The following NCAPG variants were observed in gnomAD, a reference collection of about 807,000 sequenced individuals.
The protein encoded by NCAPG is non-SMC condensin I complex subunit G.
Under a neutral mutation model 113.1 loss-of-function variants are expected in NCAPG, and 69 were observed. The ratio of observed to expected loss-of-function variants is 0.61; its 90% CI spans 0.50 to 0.75. NCAPG has a LOEUF of 0.75. Among genes scored for constraint, NCAPG ranks in the 30% least tolerant of loss-of-function variants. The pLI, the probability that NCAPG is intolerant of heterozygous loss-of-function variation, is 0.00. For synonymous variants in NCAPG, 370 were observed against 415.8 expected, an observed-to-expected ratio of 0.89 and a Z score of 1.34; for missense variants, 1,058 against 1,177.0, an observed-to-expected ratio of 0.90 and a Z score of 1.48.
intron 14 of NCAPG, 34 bp downstream of exon 14, chr4:17,834,557 G>A: frequency 2.3e-6 from 3 of 1,307,826 alleles, no homozygotes; most frequent in Non-Finnish European, 3.1e-6. Flanking sequence ...ATTATGAAAT[G>A]TCATTTTCAG....
chr4:17,841,327 T>C (rs1321392602), intron 19 of NCAPG: 1 of 152,052 alleles, frequency 6.6e-6, no homozygotes, highest in Non-Finnish European at 1.5e-5. Flanking sequence ...CAACCATGAT[T>C]TTGATTTTAG....
Position 17,843,384 on chromosome 4 carries a change from A to AAACTT in NCAPG, c.3011_3015dup (p.Ala1007ThrfsTer10), listed in dbSNP as rs768523477. 5.5e-5 allele frequency: 89 copies of AAACTT among 1,611,976 alleles called. No homozygotes were observed. The highest frequency in any genetic ancestry group is 2.5e-4 in the East Asian group (11 of 44,840). On this transcript the variant is annotated frameshift_variant, in exon 21 of 21. Transcript: ENST00000251496. LOFTEE classifies it high-confidence loss of function. Reference sequence around the variant, plus strand: ...CAAAACCGCAGCACTAGAAAAAAGTAAACTTAACCTTGCCCAATTTCTCAA... The same window carrying AAACTT: ...CAAAACCGCAGCACTAGAAAAAAGTAAACTTAACTTAACCTTGCCCAATTTCTCAA...
chr4:17,834,325 A>T lies in NCAPG; in HGVS notation c.1911A>T (p.Ile637=), dbSNP rs1721994794. 3.1e-6 allele frequency: 5 copies of T among 1,593,042 alleles called. No individual in the cohort carries two copies. Among genetic ancestry groups the T allele is most frequent in the Middle Eastern group, 1.7e-4 (1 of 5,924 alleles). The stretch of plus-strand genomic sequence containing the variant: ...TTTTGCAAATTGATGATGTCACAAT[A>T]AAAATAAGTGCTTTAAAGGCAATCT... ...LQVLQIDDVT[I]KISALKAIFD... Residue 637 remains isoleucine (I), a synonymous_variant, in exon 14 of 21, where the codon ATA becomes ATT. Coordinates refer to ENST00000251496, the MANE Select transcript of NCAPG (RefSeq NM_022346.5).
At chr4:17,825,134 G>T in intron 10 of NCAPG, 77 bp downstream of exon 10, 1 of 1,045,542 alleles carries the variant, frequency 9.6e-7, no homozygotes, top group Non-Finnish European at 1.4e-6. Flanking sequence ...TTGCTGTGCA[G>T]TTCTGAAATG....
intron 12 of NCAPG, 133 bp from the exon 13 acceptor site, chr4:17,830,864 T>C (rs1721841592): frequency 4.7e-6 from 4 of 848,616 alleles, no homozygotes; most frequent in Non-Finnish European, 5.4e-6. Flanking sequence ...TCACTCTGGC[T>C]ATATTGTTCT....
chr4:17,825,455 A>T lies in NCAPG; in HGVS notation c.1547A>T (p.Asn516Ile). The T allele has an allele frequency of 6.2e-6, 10 of 1,609,948 alleles. No individual in the cohort carries two copies. Among genetic ancestry groups the T allele is most frequent in the Non-Finnish European group, 8.5e-6 (10 of 1,178,592 alleles). ...LENCITLQDF[N>I]RASELKEEIK... ...AATTGCATTACCTTACAGGATTTTA[A>T]TCGGGCATCAGAATTAAAAGAAGAA... Residue 516 changes from asparagine to isoleucine, a missense_variant, in exon 11 of 21, where the codon AAT becomes ATT. By Grantham distance (149) the Asn-to-Ile change is moderately radical. Coordinates refer to ENST00000251496, the MANE Select transcript of NCAPG (RefSeq NM_022346.5).
Position 17,840,188 on chromosome 4 carries a change from A to G in NCAPG, c.2746A>G (p.Thr916Ala). 1 of 1,599,906 alleles carries G rather than the reference A, an allele frequency of 6.3e-7. No individual in the cohort carries two copies. The highest frequency in any genetic ancestry group is 8.5e-7 in the Non-Finnish European group (1 of 1,175,238). Reference protein sequence around the residue: ...EAAQDATLTTTTFQNEDEKNK... With the variant: ...EAAQDATLTTATFQNEDEKNK... ...AGCACAGGATGCCACCTTGACTACA[A>G]CTACTTTCCAAAATGAAGATGGTAA... The change falls in exon 18 of 21, where the codon ACT (threonine) becomes GCT (alanine). Residue 916 changes from threonine to alanine, a missense_variant. Coordinates refer to ENST00000251496, the MANE Select transcript of NCAPG (RefSeq NM_022346.5).
rs1473098014 is a variant in NCAPG at position 17,840,621 on chromosome 4, G to A, written c.2782G>A (p.Val928Ile). 42 of 1,516,344 alleles carry A rather than the reference G, an allele frequency of 2.8e-5. No individual in the cohort carries two copies. The highest frequency in any genetic ancestry group is 3.7e-5 in the Non-Finnish European group (42 of 1,132,436). 93.9% of individuals were successfully genotyped at this position (1,516,344 alleles called of 1,614,324 possible). Residue 928 changes from valine to isoleucine, a missense_variant, in exon 19 of 21, where the codon GTA (valine) becomes ATA (isoleucine). By Grantham distance (29) the Val-to-Ile change is conservative (BLOSUM62 3). Coordinates refer to ENST00000251496, the MANE Select transcript of NCAPG (RefSeq NM_022346.5). Reference protein sequence around the residue: ...FQNEDEKNKEVYMTPLRGVKA... With the variant: ...FQNEDEKNKEIYMTPLRGVKA... ...CCCTTTAATAGAAAAGAATAAAGAA[G>A]TATATATGACTCCACTCAGGGGTGT...
At chr4:17,836,493 T>G (rs1722101554) in intron 14 of NCAPG, among the ~76,000 whole-genome samples, 1 of 152,196 alleles carries the variant, frequency 6.6e-6, no homozygotes, top group East Asian at 1.9e-4. Flanking sequence ...TGGTGTCCTA[T>G]CTAAGAATCC....
chr4:17,835,775 A>C (rs1722070929), intron 14 of NCAPG, among the ~76,000 whole-genome samples: 1 of 152,164 alleles, frequency 6.6e-6, no homozygotes, highest in Non-Finnish European at 1.5e-5. Flanking sequence ...TTCGAGATTC[A>C]TCCACATGGT....
At chr4:17,820,903 G>A (rs145507638) in intron 7 of NCAPG, among the ~76,000 whole-genome samples, 16 of 152,294 alleles carry the variant, frequency 1.1e-4, no homozygotes, top group African/African-American at 3.4e-4. Context: ...TCAAATTAGA[G>A]TAAGTAAAAG....
In NCAPG at chr4:17,831,059, A is replaced by G. The variant is rs769878929; in HGVS notation, c.1827A>G (p.Gly609=). ...GAAACCTGGCTGTTTTATGCTTGGG[A>G]TGCTGTGGACTACAGAATCAGGATT... ...VVRNLAVLCL[G]CCGLQNQDFA... Residue 609 remains glycine (G), a synonymous_variant, in exon 13 of 21, where the codon GGA becomes GGG. Coordinates refer to ENST00000251496, the MANE Select transcript of NCAPG (RefSeq NM_022346.5). The G allele has an allele frequency of 1.9e-6, 3 of 1,613,622 alleles. No homozygotes were observed. Among genetic ancestry groups the G allele is most frequent in the Middle Eastern group, 3.3e-4 (2 of 6,080 alleles).
chr4:17,832,393 A>G (rs79599737), intron 13 of NCAPG, among the ~76,000 whole-genome samples: 18,635 of 152,250 alleles, frequency 0.12, 1,250 homozygotes, highest in South Asian at 0.24. Context: ...TGAATCTGAC[A>G]TGGTATGTGA....
chr4:17,818,952 T>G (rs1442624747), intron 7 of NCAPG, among the ~76,000 whole-genome samples: 1 of 152,232 alleles, frequency 6.6e-6, no homozygotes, highest in Non-Finnish European at 1.5e-5. Context: ...TCCCATTGAT[T>G]AGCAACTAAG....
chr4:17,840,801 AT>A (rs72292039), intron 19 of NCAPG, 108 bp downstream of exon 19: 84,788 of 575,538 alleles, frequency 0.15, 8,240 homozygotes, highest in African/African-American at 0.33. Flanking sequence ...AGGGATAAAG[AT>A]TTTTTTTAAA....
intron 13 of NCAPG, among the ~76,000 whole-genome samples, chr4:17,832,874 A>G (rs1437949755): frequency 2.0e-5 from 3 of 151,890 alleles, no homozygotes; most frequent in Non-Finnish European, 4.4e-5. Context: ...TGATAGAATG[A>G]CCCAGCTGTC....
chr4:17,836,593 T>G (rs1722105679), intron 14 of NCAPG, among the ~76,000 whole-genome samples: 1 of 152,150 alleles, frequency 6.6e-6, no homozygotes, highest in African/African-American at 2.4e-5. Context: ...TTGATGCATT[T>G]TCAGTTAATA....
intron 13 of NCAPG, among the ~76,000 whole-genome samples, 167 bp from the exon 14 acceptor site, chr4:17,834,132 T>A (rs75511322): frequency 0.12 from 17,600 of 152,272 alleles, 1,135 homozygotes; most frequent in South Asian, 0.24. Flanking sequence ...AACATTTTTT[T>A]AAATTGAAAT....
intron 18 of NCAPG, 136 bp downstream of exon 18, chr4:17,840,345 C>T (rs1722305324): frequency 8.6e-6 from 8 of 930,320 alleles, no homozygotes; most frequent in South Asian, 2.8e-5. Context: ...AATTAATCCT[C>T]TTGGGAAAGA....
Sources: allele counts gnomAD v4.1 joint callset (sites outside exome capture counted in the v4.1 genomes callset), GRCh38; gene constraint gnomAD v4.1.1; transcripts MANE v1.5; gene names NCBI Gene and HGNC (gene_info 2026-07-23, HGNC 2026-07-21).